The following C1QTNF1 variants were observed in gnomAD, a reference collection of about 807,000 sequenced individuals.
C1QTNF1 encodes the protein complement C1q tumor necrosis factor-related protein 1.
A neutral mutation model predicts 27.8 loss-of-function variants in C1QTNF1; 22 were observed. That is an observed-to-expected ratio of 0.79 (90% confidence interval 0.56 to 1.13). The LOEUF is 1.13. Ranked by LOEUF, C1QTNF1 falls within the 50% of genes most tolerant of loss-of-function variation. C1QTNF1 has a pLI of 0.00. For missense variants in C1QTNF1, 373 were observed against 380.2 expected, an observed-to-expected ratio of 0.98 and a Z score of 0.16; for synonymous variants, 166 against 154.3, an observed-to-expected ratio of 1.08 and a Z score of -0.56.
chr17:79,044,110 G>T lies in C1QTNF1; in HGVS notation c.142G>T (p.Asp48Tyr), dbSNP rs750314069. 3 of 1,609,958 alleles carry T rather than the reference G, an allele frequency of 1.9e-6. No homozygotes were observed. In the African/African-American group the frequency reaches 4.0e-5, roughly 22 times the overall value. The part of the protein sequence containing the change: ...EGTEELPSPP[D>Y]HAERAEEQHE... Reference sequence around the variant, plus strand: ...GACTGAGGAGCTGCCGTCGCCTCCGGACCATGCCGAGAGGTGAGGGGCCAC... The same window carrying T: ...GACTGAGGAGCTGCCGTCGCCTCCGTACCATGCCGAGAGGTGAGGGGCCAC... Residue 48 changes from aspartate to tyrosine, a missense_variant, in exon 2 of 4, where the codon GAC (aspartate) becomes TAC (tyrosine). Coordinates refer to ENST00000579760, the MANE Select transcript of C1QTNF1 (RefSeq NM_030968.5).
chr17:79,036,384 G>A (rs945643775), intron 1 of C1QTNF1, among the ~76,000 whole-genome samples: 4 of 152,000 alleles, frequency 2.6e-5, no homozygotes, highest in Non-Finnish European at 5.9e-5. Context: ...TATATTGCCC[G>A]GGCTGGTCTT....
intron 1 of C1QTNF1, among the ~76,000 whole-genome samples, chr17:79,041,270 A>G (rs1026477586): frequency 7.9e-5 from 12 of 152,128 alleles, no homozygotes; most frequent in African/African-American, 2.4e-4. Flanking sequence ...GGCTCCAGCT[A>G]AGCCACTGCA....
At chr17:79,044,722 C>T (rs115824973) in intron 2 of C1QTNF1, among the ~76,000 whole-genome samples, 2,409 of 152,252 alleles carry the variant, frequency 0.016, 52 homozygotes, top group African/African-American at 0.052. Flanking sequence ...CTAGGGAAGC[C>T]GAGTGCTTCA....
intron 2 of C1QTNF1, among the ~76,000 whole-genome samples, chr17:79,045,806 T>C (rs2072555477): frequency 6.6e-6 from 1 of 152,104 alleles, no homozygotes; most frequent in Non-Finnish European, 1.5e-5. Context: ...GTCTGGGGCT[T>C]AGGAGAGAGG....
chr17:79,043,912 C>A, intron 1 of C1QTNF1, 43 bp from the exon 2 acceptor site: 1 of 1,608,866 alleles, frequency 6.2e-7, no homozygotes, highest in East Asian at 2.2e-5. Flanking sequence ...TGTGCAGCTC[C>A]TTCCTAACTC....
chr17:79,031,532 C>G (rs1468325234), intron 1 of C1QTNF1, among the ~76,000 whole-genome samples: 1 of 152,100 alleles, frequency 6.6e-6, no homozygotes, highest in Non-Finnish European at 1.5e-5. Context: ...ACTGCATCCT[C>G]GCCTCCCAGG....
In C1QTNF1 at chr17:79,046,040, G is replaced by A. The variant is rs1365742876; in HGVS notation, c.156-515G>A. 7.9e-5 allele frequency among the ~76,000 whole-genome samples: 12 copies of A among 152,194 alleles called. No homozygotes were observed. Among genetic ancestry groups the A allele is most frequent in the Admixed American group, 3.9e-4 (6 of 15,284 alleles). ...CACATGTGATGCCATGAGGGGCCGC[G>A]AGGTGGCAGCCAGGAGCCGCCGCCG... On this transcript the variant is annotated intron_variant, in intron 2 of 3. Transcript: ENST00000579760. This position sits in a 1 kb window ranked among gnomAD's most constrained non-coding sequence, Gnocchi z 4.8.
chr17:79,044,890 A>G (rs937488477), intron 2 of C1QTNF1, among the ~76,000 whole-genome samples: 1 of 152,312 alleles, frequency 6.6e-6, no homozygotes, highest in Non-Finnish European at 1.5e-5. Context: ...TTTGAGGTTG[A>G]GTCACATCAT....
At chr17:79,030,513 CTTTCTTTCTTTCTTTCTTCT>C (rs1355909201) in intron 1 of C1QTNF1, among the ~76,000 whole-genome samples, 14 of 127,344 alleles carry the variant, frequency 1.1e-4, no homozygotes, top group East Asian at 4.3e-4. Context: ...TTCTTTCTTT[CTTTCTTTCTTTCTTTCTTCT>C]TTCTTTCTTT....
chr17:79,048,855 C>A lies in C1QTNF1; in HGVS notation c.*767C>A, dbSNP rs1020563340. 2.6e-5 allele frequency: 4 copies of A among 152,164 alleles called. No individual in the cohort carries two copies. Among genetic ancestry groups the A allele is most frequent in the Admixed American group, 2.6e-4 (4 of 15,286 alleles). The allele number at this position is 152,164 out of a possible 1,614,324, so 9.4% of individuals were successfully genotyped here. ...TGACAGTGGCCAGGGACCCCTGGGT[C>A]CCCCAGGCCTGCAGATGTTTCTATG... On this transcript the variant is annotated 3_prime_UTR_variant, in exon 4 of 4. Coordinates refer to ENST00000579760, the MANE Select transcript of C1QTNF1 (RefSeq NM_030968.5).
At chr17:79,039,120 T>C (rs2072335372) in intron 1 of C1QTNF1, among the ~76,000 whole-genome samples, 2 of 151,896 alleles carry the variant, frequency 1.3e-5, no homozygotes, top group South Asian at 4.2e-4. Flanking sequence ...GAAAATCCCT[T>C]TGCTAGACTA....
intron 1 of C1QTNF1, among the ~76,000 whole-genome samples, chr17:79,026,261 T>C (rs1419786225): frequency 6.6e-6 from 1 of 152,110 alleles, no homozygotes; most frequent in Admixed American, 6.5e-5. Flanking sequence ...GTTCAAGCGA[T>C]TCTCCTGCCT....
intron 1 of C1QTNF1, among the ~76,000 whole-genome samples, chr17:79,035,691 A>G (rs1212362934): frequency 6.6e-6 from 1 of 152,200 alleles, no homozygotes; most frequent in Non-Finnish European, 1.5e-5. Context: ...TCAGCCTCCC[A>G]AAGTGCTGGG....
intron 3 of C1QTNF1, chr17:79,047,225 T>G (rs2072602524): frequency 5.9e-6 from 2 of 339,166 alleles, no homozygotes; most frequent in Admixed American, 4.4e-5. Flanking sequence ...TTCCATTTTC[T>G]TTTTTTTCTT....
At chr17:79,028,029 G>A (rs2072019920) in intron 1 of C1QTNF1, among the ~76,000 whole-genome samples, 1 of 152,232 alleles carries the variant, frequency 6.6e-6, no homozygotes, top group African/African-American at 2.4e-5. Flanking sequence ...ATCCTGTCCA[G>A]GACGGCCGTC....
In C1QTNF1 at chr17:79,044,167, C is replaced by G. The variant is rs551738662; in HGVS notation, c.155+44C>G. On this transcript the variant is annotated intron_variant, in intron 2 of 3. Transcript: ENST00000579760. ...GTAATAGCAGGAGCTCTGGCTCTGG[C>G]CAGGCTGAGCCTGGGCCTTGGGGCC... 1.1e-5 allele frequency: 17 copies of G among 1,523,146 alleles called. No individual in the cohort carries two copies. The South Asian group carries it at 2.0e-4, about 18-fold the overall frequency. 94.4% of individuals were successfully genotyped at this position (1,523,146 alleles called of 1,614,324 possible). A position where few individuals can be genotyped will look rare whatever the true frequency, so the allele number is the denominator to read the frequency against.
At chr17:79,040,297 G>A (rs1254781179) in intron 1 of C1QTNF1, among the ~76,000 whole-genome samples, 4 of 152,066 alleles carry the variant, frequency 2.6e-5, no homozygotes, top group Admixed American at 6.6e-5. Context: ...GTGTCTTTAC[G>A]AAAAAACAAC....
chr17:79,026,343 T>G (rs535209290), intron 1 of C1QTNF1, among the ~76,000 whole-genome samples: 5 of 152,244 alleles, frequency 3.3e-5, no homozygotes, highest in Admixed American at 6.5e-5. Context: ...TAGTAGAGAC[T>G]GGGTTTCACC....
intron 2 of C1QTNF1, among the ~76,000 whole-genome samples, chr17:79,045,976 C>T (rs946996736): frequency 2.6e-5 from 4 of 152,150 alleles, no homozygotes; most frequent in Non-Finnish European, 5.9e-5. Flanking sequence ...TGGGTCTGCG[C>T]AGCTCTACAG....
Sources: allele counts gnomAD v4.1 joint callset (sites outside exome capture counted in the v4.1 genomes callset), GRCh38; gene constraint gnomAD v4.1.1; non-coding constraint Gnocchi (gnomAD v3.1); transcripts MANE v1.5; gene names NCBI Gene and HGNC (gene_info 2026-07-23, HGNC 2026-07-21).